MAN2A1: variants seen among roughly 807,000 people sequenced by gnomAD.
MAN2A1 encodes alpha-mannosidase 2.
In MAN2A1, 76 loss-of-function variants were observed where a neutral mutation model predicts 142.6. The ratio of observed to expected loss-of-function variants is 0.53; its 90% CI spans 0.44 to 0.65. MAN2A1 has a LOEUF of 0.65. Among genes scored for constraint, MAN2A1 ranks in the 30% least tolerant of loss-of-function variants. The pLI is 0.00. For synonymous variants in MAN2A1, 559 were observed against 473.2 expected (o/e 1.18, Z -2.35); for missense variants, 1,311 against 1,365.1 (o/e 0.96, Z 0.62).
chr5:109,756,099 T>A (rs564086452), intron 5 of MAN2A1, among the ~76,000 whole-genome samples: 1 of 152,164 alleles, frequency 6.6e-6, no homozygotes, highest in Non-Finnish European at 1.5e-5. Flanking sequence ...TAAGGTCTAG[T>A]CATTTTGGTG....
intron 12 of MAN2A1, among the ~76,000 whole-genome samples, chr5:109,811,598 GTGTGTGTGTC>G (rs1754321064): frequency 6.6e-6 from 1 of 151,406 alleles, no homozygotes; most frequent in East Asian, 1.9e-4. Context: ...GTGTGTGTGT[GTGTGTGTGTC>G]TGTGTCTGTG....
At chr5:109,860,414 A>G (rs1309218956) in intron 20 of MAN2A1, among the ~76,000 whole-genome samples, 1 of 152,120 alleles carries the variant, frequency 6.6e-6, no homozygotes, top group Non-Finnish European at 1.5e-5. Flanking sequence ...TGCACTAGGG[A>G]TGAGTGTTAG....
rs61735369 is a variant in MAN2A1 at position 109,774,890 on chromosome 5, G to A, written c.1299G>A (p.Thr433=). The change falls in exon 8 of 22, where the codon ACG becomes ACA. Residue 433 remains threonine, a synonymous_variant. Coordinates refer to ENST00000261483, the MANE Select transcript of MAN2A1 (RefSeq NM_002372.4). ...LGDDFRYCEY[T]EWDLQFKNYQ... ...ATGATTTCCGCTACTGTGAATACAC[G>A]GAATGGGATTTACAGTTTAAGAATT... The A allele has an allele frequency of 0.062, 99,321 of 1,609,954 alleles. 3,414 individuals carry two copies. Among genetic ancestry groups the A allele is most frequent in the African/African-American group, 0.12 (9,095 of 74,664 alleles).
Position 109,855,180 on chromosome 5 carries a change from G to A in MAN2A1, c.3017G>A (p.Ser1006Asn). The A allele has an allele frequency of 6.3e-7, 1 of 1,595,018 alleles. No individual in the cohort carries two copies. Among genetic ancestry groups the A allele is most frequent in the Non-Finnish European group, 8.5e-7 (1 of 1,173,968 alleles). Residue 1006 changes from serine to asparagine, a missense_variant, in exon 20 of 22, where the codon AGC (serine) becomes AAC (asparagine). Physicochemically the swap from Ser to Asn is conservative, Grantham distance 46. Transcript: ENST00000261483. ...TCGGTCAGTTATCCTTCTCTCCTTA[G>A]CCACATAACTTCTTCTCTCATGAAT... ...KKSVSYPSLLSHITSSLMNHP... is the reference protein window; with the variant it reads ...KKSVSYPSLLNHITSSLMNHP...
At chr5:109,748,465 G>C (rs1387269986) in intron 4 of MAN2A1, among the ~76,000 whole-genome samples, 1 of 150,466 alleles carries the variant, frequency 6.6e-6, no homozygotes, top group African/African-American at 2.4e-5. Flanking sequence ...GGAACAATCA[G>C]TGTTAAATGA....
At position 109,769,270 on chromosome 5, in the gene MAN2A1, A is replaced by G. The variant is rs185058873; in HGVS notation, c.1010-1085A>G. 4.1e-4 allele frequency among the ~76,000 whole-genome samples: 63 copies of G among 152,346 alleles called. 1 individual carries two copies. Among genetic ancestry groups the G allele is most frequent in the Middle Eastern group, 6.8e-3 (2 of 294 alleles). ...TTAATAGTTTTAAATTTGGAAAATA[A>G]CAGTTAACTAAATTGATAAAACTGG... is the stretch of plus-strand genomic sequence containing the variant. On this transcript the variant is annotated intron_variant, in intron 6 of 21. Coordinates refer to ENST00000261483, the MANE Select transcript of MAN2A1 (RefSeq NM_002372.4).
At chr5:109,691,050 A>G (rs1301120078) in intron 1 of MAN2A1, among the ~76,000 whole-genome samples, 1 of 151,990 alleles carries the variant, frequency 6.6e-6, no homozygotes, top group Non-Finnish European at 1.5e-5. Flanking sequence ...CTCTGAAGAG[A>G]GAGAAGTTTA....
At chr5:109,838,324 CT>C (rs1219507143) in intron 16 of MAN2A1, among the ~76,000 whole-genome samples, 1 of 152,226 alleles carries the variant, frequency 6.6e-6, no homozygotes, top group Admixed American at 6.5e-5. Context: ...TCACTCCTTT[CT>C]TTCCCTAGTG....
At chr5:109,822,700 C>T (rs1007361550) in intron 15 of MAN2A1, among the ~76,000 whole-genome samples, 4 of 151,088 alleles carry the variant, frequency 2.6e-5, no homozygotes, top group East Asian at 1.9e-4. Flanking sequence ...TTTTTGGAGA[C>T]GGAGTCTTGC....
rs893016867 is a variant in MAN2A1, at chr5:109,690,663, G to A, written c.135+111G>A. Reference sequence around the variant, plus strand: ...CCGCCGCGGCCCCACACCCGTGCTGGGCGAGGCCAGGGGCTCTGTAGCTCT... The same window carrying A: ...CCGCCGCGGCCCCACACCCGTGCTGAGCGAGGCCAGGGGCTCTGTAGCTCT... On this transcript the variant is annotated intron_variant, in intron 1 of 21. Coordinates refer to ENST00000261483, the MANE Select transcript of MAN2A1 (RefSeq NM_002372.4). The A allele has an allele frequency of 3.3e-6, 4 of 1,215,692 alleles. No homozygotes were observed. In the East Asian group the frequency reaches 7.6e-5, roughly 23 times the overall value. 75.3% of individuals were successfully genotyped at this position (1,215,692 alleles called of 1,614,324 possible). A position where few individuals can be genotyped will look rare whatever the true frequency, so the allele number is the denominator to read the frequency against.
At chr5:109,747,259 A>C (rs913855258) in intron 4 of MAN2A1, among the ~76,000 whole-genome samples, 2 of 152,164 alleles carry the variant, frequency 1.3e-5, no homozygotes, top group African/African-American at 4.8e-5. Flanking sequence ...AAAACATTTA[A>C]ATATTTTACA....
chr5:109,762,175 A>T (rs767261214), intron 5 of MAN2A1, among the ~76,000 whole-genome samples: 15 of 152,190 alleles, frequency 9.9e-5, no homozygotes, highest in African/African-American at 1.7e-4. Flanking sequence ...TTTATTAGAG[A>T]TAGTAAAGTG....
At chr5:109,861,217 T>G (rs1290903361) in intron 20 of MAN2A1, among the ~76,000 whole-genome samples, 3 of 152,160 alleles carry the variant, frequency 2.0e-5, no homozygotes, top group Non-Finnish European at 2.9e-5. Flanking sequence ...TTGGAGATAA[T>G]TTTAGTGTTA....
chr5:109,845,957 T>A lies in MAN2A1; in HGVS notation c.2793T>A (p.Arg931=), dbSNP rs966563792. 8.7e-6 allele frequency: 14 copies of A among 1,613,674 alleles called. No individual in the cohort carries two copies. Among genetic ancestry groups the A allele is most frequent in the Admixed American group, 6.7e-5 (4 of 59,992 alleles). Residue 931 remains arginine, a synonymous_variant, in exon 18 of 22, where the codon CGT becomes CGA. Transcript: ENST00000261483. ...CCTATATCCAGGATGCCAAACATCG[T>A]TTGACACTGCTCTCTGCTCAGTCAT... ...TMAYIQDAKH[R]LTLLSAQSLG...
chr5:109,750,593 T>C (rs781274592), intron 4 of MAN2A1, among the ~76,000 whole-genome samples: 10 of 152,122 alleles, frequency 6.6e-5, no homozygotes, highest in Non-Finnish European at 1.0e-4. Flanking sequence ...GCTATGTGCT[T>C]TCTGGCCTAC....
chr5:109,693,005 A>G (rs1056792261), intron 1 of MAN2A1, among the ~76,000 whole-genome samples: 7 of 152,252 alleles, frequency 4.6e-5, no homozygotes, highest in African/African-American at 1.7e-4. Context: ...CTGACCTGCT[A>G]TGCCACTCAC....
At chr5:109,722,856 A>G (rs1329590124) in intron 3 of MAN2A1, among the ~76,000 whole-genome samples, 2 of 152,166 alleles carry the variant, frequency 1.3e-5, no homozygotes, top group Non-Finnish European at 2.9e-5. Context: ...AGTGTCTGTC[A>G]TATTTTAGAC....
intron 1 of MAN2A1, among the ~76,000 whole-genome samples, chr5:109,705,373 ACT>A (rs529490728): frequency 1.3e-3 from 195 of 152,148 alleles, no homozygotes; most frequent in African/African-American, 4.5e-3. Context: ...ATAAAGGGTG[ACT>A]CTGTCTTTTC....
chr5:109,755,133 G>A lies in MAN2A1; in HGVS notation c.708-196G>A, dbSNP rs147943184. 3.5e-3 allele frequency among the ~76,000 whole-genome samples: 529 copies of A among 152,258 alleles called. 5 individuals are homozygous for A. The highest frequency in any genetic ancestry group is 0.012 in the African/African-American group (516 of 41,526). Reference sequence around the variant, plus strand: ...CGTGGCTTTTCCTGCAGAAGGGCAGGGGTTACCTGAGACACCGGGTGCTAT... The same window carrying A: ...CGTGGCTTTTCCTGCAGAAGGGCAGAGGTTACCTGAGACACCGGGTGCTAT... On this transcript the variant is annotated intron_variant, in intron 4 of 21. Coordinates refer to ENST00000261483, the MANE Select transcript of MAN2A1 (RefSeq NM_002372.4).
Sources: gnomAD v4.1 joint callset for allele counts (sites outside exome capture counted in the v4.1 genomes callset) on GRCh38, gnomAD v4.1.1 for gene constraint, MANE v1.5 for transcripts, NCBI Gene and HGNC (gene_info 2026-07-23, HGNC 2026-07-21) for gene names.